Variants in GAN observed in about 807,000 individuals in gnomAD.
The protein encoded by GAN is epididymis secretory sperm binding protein.
GAN carries 48 observed loss-of-function variants against 71.3 expected under a neutral mutation model. That is an observed-to-expected ratio of 0.67 (90% CI 0.53 to 0.86). The LOEUF is 0.86. Ranked by LOEUF, GAN falls within the 40% of genes least tolerant of loss-of-function variation. GAN has a pLI of 0.00. For missense variants in GAN, 928 were observed against 770.1 expected (o/e 1.21, Z -2.43); for synonymous variants, 386 against 276.8 (o/e 1.39, Z -3.92).
intron 7 of GAN, 67 bp from the exon 8 acceptor site, chr16:81,364,907 T>G: frequency 6.7e-7 from 1 of 1,484,556 alleles, no homozygotes; most frequent in East Asian, 2.3e-5. Context: ...CCAGACAGTT[T>G]AATATCTGTT....
At chr16:81,315,343 C>T (rs1303464143) in intron 1 of GAN, 63 bp downstream of exon 1, 8 of 1,243,620 alleles carry the variant, frequency 6.4e-6, no homozygotes, top group African/African-American at 1.6e-5. Context: ...GCGGGGCGGC[C>T]GGGCCGGGCG....
At chr16:81,317,022 A>G (rs1909066629) in intron 1 of GAN, among the ~76,000 whole-genome samples, 1 of 152,020 alleles carries the variant, frequency 6.6e-6, no homozygotes, top group South Asian at 2.1e-4. Context: ...CCACGCCCGG[A>G]TAATTTTTGT....
At chr16:81,359,437 T>C (rs866943378) in intron 5 of GAN, among the ~76,000 whole-genome samples, 3 of 150,954 alleles carry the variant, frequency 2.0e-5, no homozygotes, top group Middle Eastern at 3.4e-3. Context: ...TTTTAAAAAT[T>C]GATTTTGACT....
In GAN at chr16:81,356,895, T is replaced by C; in HGVS notation, c.744T>C (p.Cys248=). The part of the protein sequence containing the change: ...EPLVREIVKE[C]SNIPLSQPQQ... Reference sequence around the variant, plus strand: ...TAGTACGAGAAATTGTCAAAGAGTGTAGCAATATACCGCTCAGCCAGCCGC... The same window carrying C: ...TAGTACGAGAAATTGTCAAAGAGTGCAGCAATATACCGCTCAGCCAGCCGC... The change falls in exon 4 of 11, where the codon TGT becomes TGC. Residue 248 remains cysteine, a synonymous_variant. Coordinates refer to ENST00000648994, the MANE Select transcript of GAN (RefSeq NM_022041.4). 1 of 1,613,772 alleles carries C rather than the reference T, an allele frequency of 6.2e-7. No homozygotes were observed. The highest frequency in any genetic ancestry group is 1.3e-5 in the African/African-American group (1 of 74,998).
At chr16:81,320,640 C>T (rs961174758) in intron 1 of GAN, among the ~76,000 whole-genome samples, 2 of 152,186 alleles carry the variant, frequency 1.3e-5, no homozygotes, top group African/African-American at 2.4e-5. Context: ...GTGATTGTAG[C>T]CTGTGAAGTT....
At chr16:81,340,078 A>G (rs1382091130) in intron 1 of GAN, among the ~76,000 whole-genome samples, 2 of 152,108 alleles carry the variant, frequency 1.3e-5, no homozygotes, top group East Asian at 1.9e-4. Context: ...ACCTGCTGAG[A>G]AAAACCTGTA....
At chr16:81,333,519 G>T (rs755182885) in intron 1 of GAN, among the ~76,000 whole-genome samples, 4 of 152,138 alleles carry the variant, frequency 2.6e-5, no homozygotes, top group Non-Finnish European at 5.9e-5. Flanking sequence ...GCATAGCCTG[G>T]GGGGAAAAGG....
chr16:81,361,573 T>C (rs113987851), intron 5 of GAN, among the ~76,000 whole-genome samples: 4 of 152,358 alleles, frequency 2.6e-5, no homozygotes, highest in African/African-American at 9.6e-5. Flanking sequence ...GGTTTAAATT[T>C]TCCTAGATTA....
Position 81,385,039 on chromosome 16 carries a change from A to C in GAN, c.*7443A>C, listed in dbSNP as rs1904360277. The stretch of plus-strand genomic sequence containing the variant: ...CTAAAAGCCTGGCATATTTGGTATA[A>C]CTTAAGCACCAGGTAAAATCTGGTG... On this transcript the variant is annotated 3_prime_UTR_variant, in exon 11 of 11. Coordinates refer to ENST00000648994, the MANE Select transcript of GAN (RefSeq NM_022041.4). The C allele has an allele frequency of 6.5e-6, 1 of 154,244 alleles. No individual in the cohort carries two copies. Among genetic ancestry groups the C allele is most frequent in the African/African-American group, 2.4e-5 (1 of 41,522 alleles). The allele number at this position is 154,244 out of a possible 1,614,324, so 9.6% of individuals were successfully genotyped here.
At position 81,345,431 on chromosome 16, in the gene GAN, T is replaced by A. The variant is rs181151878; in HGVS notation, c.168-6152T>A. Among the ~76,000 whole-genome samples the A allele has an allele frequency of 8.9e-4, 136 of 152,178 alleles. 1 individual carries two copies. The highest frequency in any genetic ancestry group is 1.1e-3 in the Non-Finnish European group (76 of 68,008). On this transcript the variant is annotated intron_variant, in intron 1 of 10. Transcript: ENST00000648994. ...CTATGCAGCCATAAAAAAGGATGAG[T>A]TCATGTCTTTTGCAGGGACATGGAT...
intron 1 of GAN, among the ~76,000 whole-genome samples, chr16:81,341,500 T>C (rs567735716): frequency 2.0e-5 from 3 of 152,266 alleles, no homozygotes; most frequent in African/African-American, 7.2e-5. Context: ...TTAAAACTAT[T>C]TTCAACCCAG....
Position 81,390,741 on chromosome 16 carries a change from G to C in GAN, c.*13145G>C, listed in dbSNP as rs1274370878. 1.3e-5 allele frequency: 2 copies of C among 152,098 alleles called. No individual in the cohort carries two copies. The highest frequency in any genetic ancestry group is 4.8e-5 in the African/African-American group (2 of 41,402). 9.4% of individuals were successfully genotyped at this position (152,098 alleles called of 1,614,324 possible). A position where few individuals can be genotyped will look rare whatever the true frequency, so the allele number is the denominator to read the frequency against. ...AAAACTTGAAATATTTTCTAGAAGG[G>C]TACCACACAAAAGGAATCATCTTTA... On this transcript the variant is annotated 3_prime_UTR_variant, in exon 11 of 11. Transcript: ENST00000648994.
chr16:81,340,084 C>G (rs959798632), intron 1 of GAN, among the ~76,000 whole-genome samples: 3 of 152,068 alleles, frequency 2.0e-5, no homozygotes, highest in Admixed American at 6.6e-5. Flanking sequence ...TGAGAAAAAC[C>G]TGTATTCTTT....
chr16:81,389,912 G>A lies in GAN; in HGVS notation c.*12316G>A, dbSNP rs1904514323. On this transcript the variant is annotated 3_prime_UTR_variant, in exon 11 of 11. Transcript: ENST00000648994. ...ATTTTGATGCTTTGAATACTATAAG[G>A]AAAATGCCACGAATACCATATAAAT... 1 of 152,104 alleles carries A rather than the reference G, an allele frequency of 6.6e-6. No individual in the cohort carries two copies. 9.4% of individuals were successfully genotyped at this position (152,104 alleles called of 1,614,324 possible). A position where few individuals can be genotyped will look rare whatever the true frequency, so the allele number is the denominator to read the frequency against.
At chr16:81,332,022 A>T (rs1399970528) in intron 1 of GAN, among the ~76,000 whole-genome samples, 1 of 152,034 alleles carries the variant, frequency 6.6e-6, no homozygotes, top group Non-Finnish European at 1.5e-5. Flanking sequence ...TTAGCCGGGC[A>T]TGGTGGCGCA....
intron 1 of GAN, among the ~76,000 whole-genome samples, chr16:81,339,733 T>C (rs1396704470): frequency 6.6e-6 from 1 of 152,100 alleles, no homozygotes; most frequent in Non-Finnish European, 1.5e-5. Flanking sequence ...TGTGGCAGGA[T>C]GGAGTGATCT....
At position 81,382,393 on chromosome 16, in the gene GAN, A is replaced by G. The variant is rs576756902; in HGVS notation, c.*4797A>G. 1 of 152,252 alleles carries G rather than the reference A, an allele frequency of 6.6e-6. No individual in the cohort carries two copies. Among genetic ancestry groups the G allele is most frequent in the Admixed American group, 6.5e-5 (1 of 15,300 alleles). The allele number at this position is 152,252 out of a possible 1,614,324, so 9.4% of individuals were successfully genotyped here. A position where few individuals can be genotyped will look rare whatever the true frequency, so the allele number is the denominator to read the frequency against. On this transcript the variant is annotated 3_prime_UTR_variant, in exon 11 of 11. Coordinates refer to ENST00000648994, the MANE Select transcript of GAN (RefSeq NM_022041.4). ...ACAGGCATAAGCTGAAAGATCTTTG[A>G]TTTTCTTTGTTAGTTAGCTATAGGA...
intron 1 of GAN, among the ~76,000 whole-genome samples, chr16:81,316,481 G>A (rs1909045652): frequency 6.9e-6 from 1 of 145,532 alleles, no homozygotes; most frequent in African/African-American, 2.5e-5. Context: ...GGTGGGGAGT[G>A]TGGAGGGGTG....
At chr16:81,370,980 G>GT (rs66593703) in intron 9 of GAN, among the ~76,000 whole-genome samples, 35,417 of 152,098 alleles carry the variant, frequency 0.23, 4,478 homozygotes, top group Non-Finnish European at 0.3. Context: ...ATGCTGATAT[G>GT]TTTTATTTTC....
Sources: allele counts gnomAD v4.1 joint callset (sites outside exome capture counted in the v4.1 genomes callset), GRCh38; gene constraint gnomAD v4.1.1; transcripts MANE v1.5; gene names NCBI Gene and HGNC (gene_info 2026-07-23, HGNC 2026-07-21).